Variants in ATXN10 observed in about 807,000 individuals in gnomAD.
ATXN10 encodes the protein ataxin 10, also known as ataxin-10.
ATXN10 carries 28 observed loss-of-function variants against 52.9 expected under a neutral mutation model. The ratio of observed to expected loss-of-function variants is 0.53; its 90% CI spans 0.39 to 0.73. ATXN10 has a LOEUF of 0.73. Ranked by LOEUF, ATXN10 falls within the 30% of genes least tolerant of loss-of-function variation. The pLI is 0.00. For synonymous variants in ATXN10, 226 were observed against 221.5 expected (o/e 1.02, Z -0.18); for missense variants, 565 against 577.0 (o/e 0.98, Z 0.21).
At chr22:45,796,261 G>A (rs1384851561) in intron 9 of ATXN10, among the ~76,000 whole-genome samples, 1 of 152,200 alleles carries the variant, frequency 6.6e-6, no homozygotes, top group African/African-American at 2.4e-5. Flanking sequence ...ATTCCAGCCT[G>A]GCGAATTCTA....
Position 45,770,658 on chromosome 22 carries a change from C to T in ATXN10, c.1173+30120C>T, listed in dbSNP as rs996013719. The stretch of plus-strand genomic sequence containing the variant: ...ATATGCGAGAGCCACTGATGGTTCT[C>T]GGCCTGTCTGAGGCAACAAACTTGT... On this transcript the variant is annotated intron_variant, in intron 9 of 11. Transcript: ENST00000252934. This position sits in a 1 kb window ranked among gnomAD's most constrained non-coding sequence, Gnocchi z 4.5. Among the ~76,000 whole-genome samples the T allele has an allele frequency of 2.0e-5, 3 of 152,216 alleles. No individual in the cohort carries two copies. Among genetic ancestry groups the T allele is most frequent in the Non-Finnish European group, 4.4e-5 (3 of 68,038 alleles).
intron 9 of ATXN10, among the ~76,000 whole-genome samples, chr22:45,751,427 T>TGAGA (rs3077250): frequency 0.025 from 3,694 of 148,098 alleles, 61 homozygotes; most frequent in Non-Finnish European, 0.04. Flanking sequence ...TGTGTGTTTT[T>TGAGA]GAGAGAGAGA....
Position 45,813,743 on chromosome 22 carries a change from A to T in ATXN10, c.1237+6721A>T, listed in dbSNP as rs180834062. 3.3e-5 allele frequency among the ~76,000 whole-genome samples: 5 copies of T among 152,306 alleles called. No individual in the cohort carries two copies. In the East Asian group the frequency reaches 9.6e-4, roughly 29 times the overall value. On this transcript the variant is annotated intron_variant, in intron 10 of 11. Transcript: ENST00000252934. ...AGGGTTATAGTGAGTGTGAAATGTTATCATGCCTATAAAGTGCCCAGAAAT... is the reference window on the plus strand; with the variant it reads ...AGGGTTATAGTGAGTGTGAAATGTTTTCATGCCTATAAAGTGCCCAGAAAT...
intron 5 of ATXN10, chr22:45,704,232 A>C (rs1374609495): frequency 6.7e-6 from 1 of 150,256 alleles, no homozygotes; most frequent in Admixed American, 6.6e-5. Context: ...GAGTTTTCCA[A>C]CTTTGTTCTT....
Position 45,696,952 on chromosome 22 carries a change from A to G in ATXN10, c.392-3330A>G, listed in dbSNP as rs1394191697. Among the ~76,000 whole-genome samples the G allele has an allele frequency of 1.3e-5, 2 of 152,222 alleles. No individual in the cohort carries two copies. Among genetic ancestry groups the G allele is most frequent in the Admixed American group, 6.5e-5 (1 of 15,288 alleles). On this transcript the variant is annotated intron_variant, in intron 3 of 11. Coordinates refer to ENST00000252934, the MANE Select transcript of ATXN10 (RefSeq NM_013236.4). This position sits in a 1 kb window ranked among gnomAD's most constrained non-coding sequence, Gnocchi z 4.7. ...CACTAGGCAGAGAGGGCAGATTCTT[A>G]CAGACCTGTTACATGTTAGCTGTAT...
Position 45,757,708 on chromosome 22 carries a change from A to G in ATXN10, c.1173+17170A>G, listed in dbSNP as rs1926226139. Among the ~76,000 whole-genome samples the G allele has an allele frequency of 6.6e-6, 1 of 152,038 alleles. No homozygotes were observed. The highest frequency in any genetic ancestry group is 1.5e-5 in the Non-Finnish European group (1 of 67,990). ...AATACATTTTTCATATGCTGACCTT[A>G]TAAGTCATATTGTTTTGAAATTATA... On this transcript the variant is annotated intron_variant, in intron 9 of 11. Coordinates refer to ENST00000252934, the MANE Select transcript of ATXN10 (RefSeq NM_013236.4). The surrounding 1 kb of genome is among the most constrained non-coding windows in gnomAD (Gnocchi z 4.6).
intron 6 of ATXN10, among the ~76,000 whole-genome samples, chr22:45,722,361 A>G (rs1424674160): frequency 1.3e-5 from 2 of 152,204 alleles, no homozygotes; most frequent in Admixed American, 1.3e-4. Context: ...TCATTCCTTA[A>G]CAGTGGGAAC....
Position 45,763,149 on chromosome 22 carries a change from C to T in ATXN10, c.1173+22611C>T, listed in dbSNP as rs373553150. Among the ~76,000 whole-genome samples, 1 of 152,170 alleles carries T rather than the reference C, an allele frequency of 6.6e-6. No individual in the cohort carries two copies. Among genetic ancestry groups the T allele is most frequent in the Non-Finnish European group, 1.5e-5 (1 of 68,024 alleles). On this transcript the variant is annotated intron_variant, in intron 9 of 11. Transcript: ENST00000252934. This position sits in a 1 kb window ranked among gnomAD's most constrained non-coding sequence, Gnocchi z 6.9. ...TGATGTTTCTGTGGCCTTCCTACCC[C>T]CTCTCCCTCACCCTGGTGACTCTCA...
intron 6 of ATXN10, among the ~76,000 whole-genome samples, chr22:45,723,445 T>C (rs973567297): frequency 6.6e-6 from 1 of 152,082 alleles, no homozygotes. Context: ...TGTATAGTGG[T>C]GAAGTCGGCG....
intron 5 of ATXN10, among the ~76,000 whole-genome samples, chr22:45,710,102 G>A (rs1013162721): frequency 3.3e-5 from 5 of 152,168 alleles, no homozygotes; most frequent in Admixed American, 6.5e-5. Flanking sequence ...AAAAATTACT[G>A]TAGCTGTTGT....
intron 7 of ATXN10, among the ~76,000 whole-genome samples, chr22:45,736,377 A>T (rs187745879): frequency 1.3e-5 from 2 of 152,288 alleles, no homozygotes; most frequent in African/African-American, 4.8e-5. Flanking sequence ...ATCTAAAATA[A>T]CTAATAATAA....
At position 45,825,434 on chromosome 22, in the gene ATXN10, C is replaced by G. The variant is rs374839390; in HGVS notation, c.1238-17557C>G. On this transcript the variant is annotated intron_variant, in intron 10 of 11. Coordinates refer to ENST00000252934, the MANE Select transcript of ATXN10 (RefSeq NM_013236.4). This position sits in a 1 kb window ranked among gnomAD's most constrained non-coding sequence, Gnocchi z 4.5. ...GTCACCGTAGATTCCCAGGGAATAG[C>G]ATAGGCTCGGAGAAGACCTGAGAAG... is the stretch of plus-strand genomic sequence containing the variant. Among the ~76,000 whole-genome samples, 137 of 152,254 alleles carry G rather than the reference C, an allele frequency of 9.0e-4. No homozygotes were observed. The highest frequency in any genetic ancestry group is 3.1e-3 in the African/African-American group (130 of 41,526).
intron 1 of ATXN10, among the ~76,000 whole-genome samples, chr22:45,686,273 A>G (rs1569022615): frequency 6.6e-6 from 1 of 152,200 alleles, no homozygotes; most frequent in Non-Finnish European, 1.5e-5. Context: ...AAACAGTCTC[A>G]TCACTGTTTA....
At position 45,842,885 on chromosome 22, in the gene ATXN10, C is replaced by A; in HGVS notation, c.1238-106C>A. ...CCTCAAGAAAACTTGTGGATTGATA[C>A]TGGATGTTCCGTGTTTCTGTGCTCC... On this transcript the variant is annotated intron_variant, in intron 10 of 11. Transcript: ENST00000252934. This position sits in a 1 kb window ranked among gnomAD's most constrained non-coding sequence, Gnocchi z 4.8. The A allele has an allele frequency of 8.0e-7, 1 of 1,246,254 alleles. No individual in the cohort carries two copies. The highest frequency in any genetic ancestry group is 1.2e-6 in the Non-Finnish European group (1 of 853,954). The allele number at this position is 1,246,254 out of a possible 1,614,324, so 77.2% of individuals were successfully genotyped here.
In ATXN10 at chr22:45,840,980, C is replaced by T. The variant is rs569781679; in HGVS notation, c.1238-2011C>T. 6.6e-6 allele frequency among the ~76,000 whole-genome samples: 1 copy of T among 152,284 alleles called. No individual in the cohort carries two copies. The highest frequency in any genetic ancestry group is 1.9e-4 in the East Asian group (1 of 5,186). On this transcript the variant is annotated intron_variant, in intron 10 of 11. Transcript: ENST00000252934. This position sits in a 1 kb window ranked among gnomAD's most constrained non-coding sequence, Gnocchi z 5.8. ...GTGAGAAAATGAGTTTGTGTATCGA[C>T]AGTGACATCCTGGGTGTGAAACTCA...
In ATXN10 at chr22:45,801,600, A is replaced by G. The variant is rs191428683; in HGVS notation, c.1174-5359A>G. On this transcript the variant is annotated intron_variant, in intron 9 of 11. Coordinates refer to ENST00000252934, the MANE Select transcript of ATXN10 (RefSeq NM_013236.4). Reference sequence around the variant, plus strand: ...GTATGGATGGAAATTACAAATCCAGACATACACCCAGTTAATGAGACAGTC... The same window carrying G: ...GTATGGATGGAAATTACAAATCCAGGCATACACCCAGTTAATGAGACAGTC... 2.3e-3 allele frequency among the ~76,000 whole-genome samples: 346 copies of G among 152,370 alleles called. 1 individual carries two copies. The highest frequency in any genetic ancestry group is 4.0e-3 in the Non-Finnish European group (270 of 68,042).
intron 9 of ATXN10, chr22:45,793,558 C>T (rs536198187): frequency 1.6e-6 from 2 of 1,278,118 alleles, no homozygotes; most frequent in African/African-American, 1.5e-5. Context: ...TTCAATCTTT[C>T]TGTGACAAAT....
At chr22:45,836,735 A>T (rs768732405) in intron 10 of ATXN10, among the ~76,000 whole-genome samples, 5 of 152,222 alleles carry the variant, frequency 3.3e-5, no homozygotes, top group Non-Finnish European at 7.3e-5. Flanking sequence ...GGTTTGTGCA[A>T]TATAACGCAT....
rs376470449 is a variant in ATXN10 at position 45,680,581 on chromosome 22, G to A, written c.116+8402G>A. ...AGGGTCTCACTGTGTCACCTAGGCT[G>A]GAGTGCAGTGGTGCCATCACAGCGC... is the stretch of plus-strand genomic sequence containing the variant. On this transcript the variant is annotated intron_variant, in intron 1 of 11. Coordinates refer to ENST00000252934, the MANE Select transcript of ATXN10 (RefSeq NM_013236.4). Among the ~76,000 whole-genome samples the A allele has an allele frequency of 3.8e-4, 58 of 151,990 alleles. No homozygotes were observed. The East Asian group carries it at 0.01, about 27-fold the overall frequency.
Sources: gnomAD v4.1 joint callset for allele counts (sites outside exome capture counted in the v4.1 genomes callset) on GRCh38, gnomAD v4.1.1 for gene constraint, Gnocchi (gnomAD v3.1) non-coding constraint, MANE v1.5 for transcripts, NCBI Gene and HGNC (gene_info 2026-07-23, HGNC 2026-07-21) for gene names.